Variants in SYK observed in about 807,000 individuals in gnomAD.
SYK encodes tyrosine-protein kinase SYK.
A neutral mutation model predicts 77.8 loss-of-function variants in SYK; 16 were observed. The observed-to-expected ratio is 0.21, with a 90% CI of 0.14 to 0.31. The LOEUF is 0.31. Ranked by LOEUF, SYK falls within the 10% of genes least tolerant of loss-of-function variation. SYK has a pLI of 1.00. For missense variants in SYK, 529 were observed against 814.4 expected (o/e 0.65, Z 4.26); for synonymous variants, 312 against 308.7 (o/e 1.01, Z -0.11).
At chr9:90,859,215 C>G (rs1827155245) in intron 3 of SYK, among the ~76,000 whole-genome samples, 1 of 152,264 alleles carries the variant, frequency 6.6e-6, no homozygotes, top group Admixed American at 6.5e-5. Context: ...CTCACACACT[C>G]ATACCCATCT....
chr9:90,870,239 T>A (rs1390938453), intron 7 of SYK, among the ~76,000 whole-genome samples: 1 of 152,252 alleles, frequency 6.6e-6, no homozygotes, highest in African/African-American at 2.4e-5. Context: ...TTTCTTTCTC[T>A]GCTGCTTTAA....
chr9:90,885,391 A>T (rs1828524350), intron 11 of SYK, among the ~76,000 whole-genome samples: 1 of 152,220 alleles, frequency 6.6e-6, no homozygotes. Flanking sequence ...AATAAAAAAT[A>T]CATCCCAAAC....
Position 90,897,143 on chromosome 9 carries a change from G to A in SYK, c.*1543G>A, listed in dbSNP as rs915305510. 9 of 230,296 alleles carry A rather than the reference G, an allele frequency of 3.9e-5. No individual in the cohort carries two copies. The highest frequency in any genetic ancestry group is 1.8e-4 in the African/African-American group (8 of 45,190). 14.3% of individuals were successfully genotyped at this position (230,296 alleles called of 1,614,324 possible). ...AGCTAAACCTGAGACATTTTAAAGTGCATGGACAGCCATGGACAGCAGGCC... is the reference window on the plus strand; with the variant it reads ...AGCTAAACCTGAGACATTTTAAAGTACATGGACAGCCATGGACAGCAGGCC... On this transcript the variant is annotated 3_prime_UTR_variant, in exon 14 of 14. Coordinates refer to ENST00000375754, the MANE Select transcript of SYK (RefSeq NM_003177.7).
intron 5 of SYK, 111 bp from the exon 6 acceptor site, chr9:90,864,937 C>T: frequency 9.2e-7 from 1 of 1,091,580 alleles, no homozygotes; most frequent in Non-Finnish European, 1.4e-6. Flanking sequence ...AAAGCGTGCT[C>T]ACTTCTCAAG....
Position 90,845,491 on chromosome 9 carries a change from G to A in SYK, c.475G>A (p.Ala159Thr), listed in dbSNP as rs763445736. 1.9e-6 allele frequency: 3 copies of A among 1,614,156 alleles called. No individual in the cohort carries two copies. The highest frequency in any genetic ancestry group is 1.7e-5 in the Admixed American group (1 of 60,020). The change falls in exon 3 of 14, where the codon GCT becomes ACT. Residue 159 changes from alanine to threonine, a missense_variant. Physicochemically the swap from Ala to Thr is moderately conservative, Grantham distance 58. Transcript: ENST00000375754. Reference protein sequence around the residue: ...SQKPQLEKLIATTAHEKMPWF... With the variant: ...SQKPQLEKLITTTAHEKMPWF... ...GAAGCCTCAGCTGGAGAAGCTGATC[G>A]CTACCACAGCCCATGAAAAAATGCC...
At chr9:90,864,709 A>G (rs1827410131) in intron 5 of SYK, 42 bp downstream of exon 5, 1 of 1,556,510 alleles carries the variant, frequency 6.4e-7, no homozygotes, top group Non-Finnish European at 8.9e-7. Context: ...TTGAGGTATC[A>G]GTGACAATCA....
intron 1 of SYK, among the ~76,000 whole-genome samples, chr9:90,805,757 T>G (rs1229389685): frequency 6.6e-6 from 1 of 152,268 alleles, no homozygotes; most frequent in Non-Finnish European, 1.5e-5. Context: ...GTGACCTAAG[T>G]TAATTTCTCT....
intron 1 of SYK, among the ~76,000 whole-genome samples, chr9:90,808,061 T>C (rs72746350): frequency 0.02 from 2,981 of 152,154 alleles, 111 homozygotes; most frequent in East Asian, 0.17. Flanking sequence ...GGCATGTCGA[T>C]TTTTTTTAAT....
chr9:90,876,943 C>T (rs1353221111), intron 9 of SYK, among the ~76,000 whole-genome samples: 2 of 152,304 alleles, frequency 1.3e-5, no homozygotes, highest in African/African-American at 2.4e-5. Context: ...TACAGGAATT[C>T]GTACATGTCA....
At chr9:90,854,521 A>G (rs1467862890) in intron 3 of SYK, among the ~76,000 whole-genome samples, 1 of 152,158 alleles carries the variant, frequency 6.6e-6, no homozygotes, top group Non-Finnish European at 1.5e-5. Flanking sequence ...TACTCCACTC[A>G]GGCCACAGTT....
At chr9:90,845,713 T>C in intron 3 of SYK, 119 bp downstream of exon 3, 1 of 1,149,590 alleles carries the variant, frequency 8.7e-7, no homozygotes, top group Non-Finnish European at 1.2e-6. Flanking sequence ...TGCATTGCCA[T>C]TTGACAACAT....
At chr9:90,849,313 G>T (rs1456425777) in intron 3 of SYK, among the ~76,000 whole-genome samples, 1 of 152,102 alleles carries the variant, frequency 6.6e-6, no homozygotes, top group Non-Finnish European at 1.5e-5. Flanking sequence ...GTTTGTCTCC[G>T]CTCTGATCTC....
At chr9:90,836,277 A>T (rs1218750720) in intron 1 of SYK, among the ~76,000 whole-genome samples, 1 of 141,166 alleles carries the variant, frequency 7.1e-6, no homozygotes, top group Non-Finnish European at 1.5e-5. Context: ...ACAGAGCGAG[A>T]CTTCATCTCA....
chr9:90,839,749 G>C (rs1284808307), intron 1 of SYK, among the ~76,000 whole-genome samples: 1 of 152,130 alleles, frequency 6.6e-6, no homozygotes, highest in African/African-American at 2.4e-5. Flanking sequence ...AAGTAACCTG[G>C]GCCCTGCAGA....
At position 90,889,173 on chromosome 9, in the gene SYK, T is replaced by C. The variant is rs147159973; in HGVS notation, c.1835+546T>C. 2.2e-3 allele frequency among the ~76,000 whole-genome samples: 331 copies of C among 152,354 alleles called. 1 individual carries two copies. Among genetic ancestry groups the C allele is most frequent in the African/African-American group, 7.4e-3 (308 of 41,582 alleles). On this transcript the variant is annotated intron_variant, in intron 13 of 13. Transcript: ENST00000375754. ...GCTTAGTGGATCCCAGGTGCTGTTA[T>C]GCTTTTAAAGTACACCTGGCATTAT...
chr9:90,825,341 C>A (rs1361055308), intron 1 of SYK, among the ~76,000 whole-genome samples: 2 of 152,174 alleles, frequency 1.3e-5, no homozygotes, highest in African/African-American at 4.8e-5. Context: ...AAAATCCCAG[C>A]AAGCTGTTTT....
rs139448792 is a variant in SYK, at chr9:90,881,515, A to G, written c.1581+2562A>G. On this transcript the variant is annotated intron_variant, in intron 11 of 13. Transcript: ENST00000375754. ...GCCAACATGGTGAAATCCCGTCTCT[A>G]CTAAAAACACAAAAATTAGCCAGGC... Among the ~76,000 whole-genome samples, 9 of 152,142 alleles carry G rather than the reference A, an allele frequency of 5.9e-5. No homozygotes were observed. The East Asian group carries it at 1.7e-3, about 29-fold the overall frequency.
At chr9:90,846,541 C>G (rs1138021) in intron 3 of SYK, among the ~76,000 whole-genome samples, 1 of 152,142 alleles carries the variant, frequency 6.6e-6, no homozygotes, top group African/African-American at 2.4e-5. Flanking sequence ...TGCAGTGGCA[C>G]GCACCTGTAG....
intron 1 of SYK, among the ~76,000 whole-genome samples, chr9:90,806,367 A>C (rs1824835588): frequency 6.6e-6 from 1 of 151,416 alleles, no homozygotes; most frequent in Admixed American, 6.6e-5. Flanking sequence ...GAATGTTTGG[A>C]GGATATTTGG....
Sources: allele counts gnomAD v4.1 joint callset (sites outside exome capture counted in the v4.1 genomes callset), GRCh38; gene constraint gnomAD v4.1.1; transcripts MANE v1.5; gene names NCBI Gene and HGNC (gene_info 2026-07-23, HGNC 2026-07-21).